The following VBP1 variants were observed in gnomAD, a reference collection of about 807,000 sequenced individuals.
VBP1 encodes VHL binding protein 1.
In VBP1, 4 loss-of-function variants were observed where a neutral mutation model predicts 15.5. That is an observed-to-expected ratio of 0.26 (90% CI 0.13 to 0.59). VBP1 has a LOEUF of 0.59. Ranked by LOEUF, VBP1 falls within the 20% of genes least tolerant of loss-of-function variation. VBP1 has a pLI of 0.90. For missense variants in VBP1, 108 were observed against 139.6 expected (o/e 0.77, Z 1.14); for synonymous variants, 61 against 52.1 (o/e 1.17, Z -0.74).
chrX:155,230,487 TCTTG>T (rs1249801407), intron 4 of VBP1, among the ~76,000 whole-genome samples: 1 of 111,565 alleles, frequency 9.0e-6, no homozygotes, highest in Non-Finnish European at 1.9e-5. Context: ...TAATTCACTG[TCTTG>T]CTTCTGCCCT....
At chrX:155,227,176 G>A (rs1183851300) in intron 2 of VBP1, 59 bp from the exon 3 acceptor site, 15 of 1,013,661 alleles carry the variant, frequency 1.5e-5, no homozygotes, top group Middle Eastern at 6.1e-4. Context: ...TAGTAAGACC[G>A]TGTCCTGTTG....
At chrX:155,202,536 G>A (rs1187048849) in intron 1 of VBP1, among the ~76,000 whole-genome samples, 11 of 109,662 alleles carry the variant, frequency 1.0e-4, no homozygotes, top group East Asian at 2.8e-4. Flanking sequence ...AAATGGTGCC[G>A]GGAAAACTGG....
intron 4 of VBP1, among the ~76,000 whole-genome samples, chrX:155,229,298 A>G (rs1487868660): frequency 8.9e-6 from 1 of 112,779 alleles, no homozygotes; most frequent in Non-Finnish European, 1.9e-5. Flanking sequence ...GAAGCATAGC[A>G]ACTACACCTG....
chrX:155,236,419 A>T (rs782398767), intron 5 of VBP1, 52 bp downstream of exon 5: 29 of 1,159,278 alleles, frequency 2.5e-5, no homozygotes, highest in Admixed American at 1.0e-4. Context: ...AGATTTTTTT[A>T]AAAAAACATT....
chrX:155,226,054 G>C (rs1182627930), intron 2 of VBP1, among the ~76,000 whole-genome samples: 2 of 111,861 alleles, frequency 1.8e-5, no homozygotes, highest in Non-Finnish European at 3.8e-5. Flanking sequence ...TTTATATTTT[G>C]TTTACATTTT....
At chrX:155,223,036 A>G (rs931976891) in intron 2 of VBP1, among the ~76,000 whole-genome samples, 1 of 107,442 alleles carries the variant, frequency 9.3e-6, no homozygotes, top group Non-Finnish European at 1.9e-5. Context: ...GATGTCAGCT[A>G]TGCAACAAAA....
chrX:155,235,822 T>A, intron 4 of VBP1, among the ~76,000 whole-genome samples: 1 of 112,402 alleles, frequency 8.9e-6, no homozygotes, highest in Non-Finnish European at 1.9e-5. Flanking sequence ...ACTGGTTTCT[T>A]ATCCTGATTC....
At position 155,220,129 on chromosome X, in the gene VBP1, A is replaced by C. The variant is rs950072837; in HGVS notation, c.94-54A>C. 6.8e-5 allele frequency: 77 copies of C among 1,126,869 alleles called. No individual in the cohort carries two copies. In the Middle Eastern group the frequency reaches 1.1e-3, roughly 16 times the overall value. 92.9% of individuals were successfully genotyped at this position (1,126,869 alleles called of 1,213,427 possible). On this transcript the variant is annotated intron_variant, in intron 1 of 5. Coordinates refer to ENST00000286428, the MANE Select transcript of VBP1 (RefSeq NM_003372.7). ...TGTTTTAAAAACAAAGCAGTCAAAA[A>C]ATCTGAGTGGCATGAATTCTAAAAT...
intron 2 of VBP1, among the ~76,000 whole-genome samples, chrX:155,223,656 C>T (rs1251369229): frequency 1.2e-4 from 13 of 112,903 alleles, no homozygotes; most frequent in Non-Finnish European, 2.1e-4. Context: ...TTTCCCCCTT[C>T]TCTATTCGAC....
intron 4 of VBP1, 61 bp downstream of exon 4, chrX:155,228,543 A>G (rs1207662795): frequency 4.1e-6 from 4 of 966,136 alleles, no homozygotes; most frequent in Non-Finnish European, 5.8e-6. Flanking sequence ...TCTGTAGCAA[A>G]CACACTGGTT....
intron 1 of VBP1, 145 bp downstream of exon 1, chrX:155,216,720 A>G: frequency 1.2e-6 from 1 of 817,635 alleles, no homozygotes; most frequent in Non-Finnish European, 1.7e-6. Context: ...CACCCCTCGC[A>G]CCTGGACAGA....
upstream of VBP1, chrX:155,213,310 C>T (rs1219128671): frequency 8.9e-6 from 1 of 111,845 alleles, no homozygotes; most frequent in African/African-American, 3.3e-5. Flanking sequence ...GGAAATGACC[C>T]CAGTGACCAG....
At chrX:155,201,263 G>A (rs1482215855) in intron 1 of VBP1, among the ~76,000 whole-genome samples, 4 of 109,670 alleles carry the variant, frequency 3.6e-5, no homozygotes, top group African/African-American at 1.3e-4. Flanking sequence ...CATTTTATGA[G>A]ACCAGCATCA....
rs7888682 is a variant in VBP1, at chrX:155,221,071, C to T, written c.218+764C>T. 1.8e-3 allele frequency among the ~76,000 whole-genome samples: 204 copies of T among 111,042 alleles called. 1 individual carries two copies. Among genetic ancestry groups the T allele is most frequent in the African/African-American group, 6.4e-3 (194 of 30,503 alleles). On this transcript the variant is annotated intron_variant, in intron 2 of 5. Coordinates refer to ENST00000286428, the MANE Select transcript of VBP1 (RefSeq NM_003372.7). ...TTAGGCTGGGCCCGGCGGCTCGCACCTGTAATCCCAGCACTTTGGGAGGCT... is the reference window on the plus strand; with the variant it reads ...TTAGGCTGGGCCCGGCGGCTCGCACTTGTAATCCCAGCACTTTGGGAGGCT...
At chrX:155,230,757 C>G (rs1557310771) in intron 4 of VBP1, among the ~76,000 whole-genome samples, 1 of 109,819 alleles carries the variant, frequency 9.1e-6, no homozygotes, top group East Asian at 2.8e-4. Context: ...GATCTCAGCT[C>G]ACTGCAACCT....
chrX:155,228,407 C>T lies in VBP1; in HGVS notation c.309C>T (p.Thr103=), dbSNP rs1366364326. The T allele has an allele frequency of 8.3e-7, 1 of 1,208,365 alleles. No homozygotes were observed. The highest frequency in any genetic ancestry group is 1.8e-5 in the South Asian group (1 of 56,496). Residue 103 remains threonine (T), a synonymous_variant, in exon 4 of 6, where the codon ACC becomes ACT. Transcript: ENST00000286428. ...AGGAGTCCACCAACTCAATGGAGAC[C>T]AGATTCTTGCTGGCAGATAACCTGT... ...KKKESTNSME[T]RFLLADNLYC...
intron 5 of VBP1, among the ~76,000 whole-genome samples, chrX:155,237,831 C>T (rs2074781027): frequency 8.9e-6 from 1 of 111,862 alleles, no homozygotes; most frequent in Admixed American, 9.5e-5. Flanking sequence ...TTAGTTTTAC[C>T]TTGCCAAACC....
At chrX:155,234,920 T>TA (rs1341671555) in intron 4 of VBP1, among the ~76,000 whole-genome samples, 2 of 112,264 alleles carry the variant, frequency 1.8e-5, no homozygotes, top group Non-Finnish European at 3.8e-5. Context: ...TTGAGCATCT[T>TA]ATACAGTGCC....
chrX:155,223,897 C>T lies in VBP1; in HGVS notation c.219-3338C>T, dbSNP rs1438618305. On this transcript the variant is annotated intron_variant, in intron 2 of 5. Transcript: ENST00000286428. Reference sequence around the variant, plus strand: ...CTCACTTCTCAGATGGGGCGGCTGCCGGGCGGAGGGGCTCCTCACCTCTCA... The same window carrying T: ...CTCACTTCTCAGATGGGGCGGCTGCTGGGCGGAGGGGCTCCTCACCTCTCA... Among the ~76,000 whole-genome samples, 8 of 109,061 alleles carry T rather than the reference C, an allele frequency of 7.3e-5. No individual in the cohort carries two copies. The East Asian group carries it at 1.8e-3, about 24-fold the overall frequency. 94.7% of individuals were successfully genotyped at this position (109,061 alleles called of 115,157 possible).
Sources: allele counts gnomAD v4.1 joint callset (sites outside exome capture counted in the v4.1 genomes callset), GRCh38; gene constraint gnomAD v4.1.1; transcripts MANE v1.5; gene names NCBI Gene and HGNC (gene_info 2026-07-23, HGNC 2026-07-21).